SLC35D1: variants seen among roughly 807,000 people sequenced by gnomAD.
SLC35D1 encodes the protein nucleotide sugar transporter SLC35D1.
SLC35D1 carries 31 observed loss-of-function variants against 46.7 expected under a neutral mutation model. That is an observed-to-expected ratio of 0.66 (90% CI 0.50 to 0.90). SLC35D1 has a LOEUF of 0.90. Among genes scored for constraint, SLC35D1 ranks in the 40% least tolerant of loss-of-function variants. The pLI is 0.00. For synonymous variants in SLC35D1, 195 were observed against 164.6 expected, an observed-to-expected ratio of 1.18 and a Z score of -1.41; for missense variants, 397 against 426.2, an observed-to-expected ratio of 0.93 and a Z score of 0.60.
At position 67,033,195 on chromosome 1, in the gene SLC35D1, T is replaced by C. The variant is rs966738969; in HGVS notation, c.729+9041A>G. ...AATCTTGGTGAATAGTGCTACAAAA[T>C]AGGGGTATCTCCTCAATATACTGAT... On this transcript the variant is annotated intron_variant, in intron 8 of 11. Coordinates refer to ENST00000235345, the MANE Select transcript of SLC35D1 (RefSeq NM_015139.3). Among the ~76,000 whole-genome samples the C allele has an allele frequency of 2.0e-5, 3 of 152,166 alleles. No individual in the cohort carries two copies. In the South Asian group the frequency reaches 6.2e-4, roughly 32 times the overall value.
intron 11 of SLC35D1, among the ~76,000 whole-genome samples, chr1:67,006,599 TAGA>T (rs974149428): frequency 2.7e-4 from 41 of 152,184 alleles, no homozygotes; most frequent in Non-Finnish European, 7.3e-5. Context: ...AAGCACAGGA[TAGA>T]AGAAGACAAA....
the SLC35D1 span, among the ~76,000 whole-genome samples, chr1:66,975,775 C>T: frequency 9.2e-5 from 14 of 152,086 alleles, no homozygotes; most frequent in African/African-American, 3.4e-4. Flanking sequence ...AAAGCATTAG[C>T]ATTATTATGA....
At chr1:66,997,125 T>A (rs954569912), downstream of SLC35D1, among the ~76,000 whole-genome samples, 1 of 152,066 alleles carries the variant, frequency 6.6e-6, no homozygotes, top group Non-Finnish European at 1.5e-5. Context: ...ACATACAAAT[T>A]TAGAACTTTG....
intron 11 of SLC35D1, among the ~76,000 whole-genome samples, chr1:67,004,916 G>C (rs565159644): frequency 6.6e-6 from 1 of 152,188 alleles, no homozygotes; most frequent in Non-Finnish European, 1.5e-5. Flanking sequence ...GAGATTCACA[G>C]AGCTGATTTT....
At chr1:66,991,616 A>G in the SLC35D1 span, among the ~76,000 whole-genome samples, 3 of 152,200 alleles carry the variant, frequency 2.0e-5, no homozygotes, top group African/African-American at 4.8e-5. Context: ...TGATGCTTGG[A>G]GCCACATTAA....
At chr1:67,030,883 G>C (rs1417166283) in intron 8 of SLC35D1, among the ~76,000 whole-genome samples, 2 of 152,168 alleles carry the variant, frequency 1.3e-5, no homozygotes, top group Non-Finnish European at 2.9e-5. Flanking sequence ...AAGTGCTTCT[G>C]CATGTATCAT....
At chr1:67,020,522 T>C (rs1667775385) in intron 9 of SLC35D1, 75 bp from the exon 10 acceptor site, 4 of 1,090,948 alleles carry the variant, frequency 3.7e-6, no homozygotes, top group Admixed American at 1.7e-5. Flanking sequence ...ACAATCAGTG[T>C]TGGCCAAGCC....
chr1:66,980,332 A>G, the SLC35D1 span, among the ~76,000 whole-genome samples: 1 of 152,224 alleles, frequency 6.6e-6, no homozygotes, highest in Non-Finnish European at 1.5e-5. Context: ...AATTCCCTTC[A>G]TTTATAGATG....
At chr1:67,040,895 C>T (rs2102342185) in intron 8 of SLC35D1, among the ~76,000 whole-genome samples, 1 of 152,286 alleles carries the variant, frequency 6.6e-6, no homozygotes, top group South Asian at 2.1e-4. Flanking sequence ...ATATTCTTGT[C>T]CCAAAGCTCG....
In SLC35D1 at chr1:67,009,294, C is replaced by T. The variant is rs2755271; in HGVS notation, c.877-127G>A. The T allele has an allele frequency of 0.64, 257,848 of 402,668 alleles. 86,358 individuals carry two copies. The highest frequency in any genetic ancestry group is 0.87 in the East Asian group (20,260 of 23,240). 24.9% of individuals were successfully genotyped at this position (402,668 alleles called of 1,614,324 possible). On this transcript the variant is annotated intron_variant, in intron 10 of 11. Transcript: ENST00000235345. ...ATAAACAAAAGACAAACAATGAAAA[C>T]GCACCAACCCTAATAATAGTATAAG...
At chr1:67,042,972 C>T (rs1341374917) in intron 7 of SLC35D1, among the ~76,000 whole-genome samples, 1 of 151,994 alleles carries the variant, frequency 6.6e-6, no homozygotes, top group Non-Finnish European at 1.5e-5. Context: ...CTGAGGCAGG[C>T]AGATCACCTG....
At chr1:67,010,979 T>C (rs949044449) in intron 10 of SLC35D1, among the ~76,000 whole-genome samples, 1 of 152,116 alleles carries the variant, frequency 6.6e-6, no homozygotes, top group African/African-American at 2.4e-5. Context: ...TCTAACACCT[T>C]TCAAGGTCTA....
At chr1:66,996,559 T>C (rs1248781406), downstream of SLC35D1, among the ~76,000 whole-genome samples, 1 of 152,068 alleles carries the variant, frequency 6.6e-6, no homozygotes, top group Non-Finnish European at 1.5e-5. Context: ...AGGCCTCTAG[T>C]AGAGGATGGG....
At chr1:67,010,523 T>G (rs996301507) in intron 10 of SLC35D1, among the ~76,000 whole-genome samples, 1 of 152,146 alleles carries the variant, frequency 6.6e-6, no homozygotes, top group African/African-American at 2.4e-5. Flanking sequence ...CCCTTTTAAT[T>G]ATCCTAAGAC....
At chr1:67,009,973 G>A (rs141859397) in intron 10 of SLC35D1, among the ~76,000 whole-genome samples, 262 of 152,222 alleles carry the variant, frequency 1.7e-3, no homozygotes, top group Admixed American at 3.0e-3. Context: ...AGAAAATGTG[G>A]TACATATACA....
In SLC35D1 at chr1:67,035,151, C is replaced by T. The variant is rs112906149; in HGVS notation, c.729+7085G>A. On this transcript the variant is annotated intron_variant, in intron 8 of 11. Transcript: ENST00000235345. ...TCTGTGTTGTGTGTGTGTGTGCGCGCGTGTGTGTGTGTTTAATGCATCTTT... is the reference window on the plus strand; with the variant it reads ...TCTGTGTTGTGTGTGTGTGTGCGCGTGTGTGTGTGTGTTTAATGCATCTTT... Among the ~76,000 whole-genome samples the T allele has an allele frequency of 3.3e-3, 498 of 151,644 alleles. 5 individuals carry two copies. The highest frequency in any genetic ancestry group is 0.012 in the African/African-American group (476 of 41,352).
chr1:66,988,971 A>G, the SLC35D1 span, among the ~76,000 whole-genome samples: 3 of 152,238 alleles, frequency 2.0e-5, no homozygotes, highest in African/African-American at 7.2e-5. Context: ...CGATCTCAAG[A>G]AAATGAGTTT....
chr1:67,035,922 T>A (rs1668114494), intron 8 of SLC35D1, among the ~76,000 whole-genome samples: 1 of 152,098 alleles, frequency 6.6e-6, no homozygotes, highest in South Asian at 2.1e-4. Context: ...AAAAATTTTT[T>A]AATTTCCATC....
At chr1:67,008,137 T>C (rs1465222710) in intron 11 of SLC35D1, among the ~76,000 whole-genome samples, 2 of 152,176 alleles carry the variant, frequency 1.3e-5, no homozygotes, top group African/African-American at 4.8e-5. Flanking sequence ...ACAACAGCAC[T>C]ACCAACTGTT....
Sources: gnomAD v4.1 joint callset for allele counts (sites outside exome capture counted in the v4.1 genomes callset) on GRCh38, gnomAD v4.1.1 for gene constraint, MANE v1.5 for transcripts, NCBI Gene and HGNC (gene_info 2026-07-23, HGNC 2026-07-21) for gene names.